The following MED16 variants were observed in gnomAD, a reference collection of about 807,000 sequenced individuals.
The protein encoded by MED16 is mediator of RNA polymerase II transcription subunit 16.
MED16 carries 81 observed loss-of-function variants against 84.4 expected under a neutral mutation model. The observed-to-expected ratio is 0.96, with a 90% CI of 0.80 to 1.15. MED16 has a LOEUF of 1.15. MED16 is among the 50% of genes most tolerant of loss of function. The pLI is 0.00. For synonymous variants in MED16, 897 were observed against 552.2 expected (o/e 1.62, Z -8.76); for missense variants, 1,585 against 1,245.9 (o/e 1.27, Z -4.10).
intron 6 of MED16, among the ~76,000 whole-genome samples, chr19:883,644 T>C (rs1054383564): frequency 5.3e-5 from 8 of 152,022 alleles, no homozygotes; most frequent in Non-Finnish European, 1.2e-4. Context: ...TGAGGACGGC[T>C]GCAGGAGACG....
rs190408350 is a variant in MED16 at position 888,832 on chromosome 19, G to T, written c.447+806C>A. Reference sequence around the variant, plus strand: ...GGACTCACGAAGGGACGAGAGAAAAGATCTTGTCCACTGCATCCCTCCAGG... The same window carrying T: ...GGACTCACGAAGGGACGAGAGAAAATATCTTGTCCACTGCATCCCTCCAGG... On this transcript the variant is annotated intron_variant, in intron 4 of 15. Transcript: ENST00000325464. 2.0e-5 allele frequency among the ~76,000 whole-genome samples: 3 copies of T among 152,292 alleles called. No individual in the cohort carries two copies. The East Asian group carries it at 5.8e-4, about 29-fold the overall frequency.
rs758345250 is a variant in MED16 at position 877,061 on chromosome 19, G to C, written c.1473C>G (p.Ile491Met). ...CCATACTGGGCTGCACGTGCAGCAG[G>C]ATGTCCCACCAGTCGTAGCCGGTCA... ...CMVTGYDWWDILLHVQPSMVQ... is the reference protein window; with the variant it reads ...CMVTGYDWWDMLLHVQPSMVQ... The change falls in exon 9 of 16, where the codon ATC becomes ATG. Residue 491 changes from isoleucine (I) to methionine (M), a missense_variant. Physicochemically the swap from Ile to Met is conservative, Grantham distance 10. Transcript: ENST00000325464. 6.2e-7 allele frequency: 1 copy of C among 1,612,496 alleles called. No homozygotes were observed. The highest frequency in any genetic ancestry group is 2.2e-5 in the East Asian group (1 of 44,890).
At position 867,966 on chromosome 19, in the gene MED16, G is replaced by A. The variant is rs920440536; in HGVS notation, c.*135C>T. Reference sequence around the variant, plus strand: ...ACCGACGGCAGGGACGCGGGCCTGGGCGCAGAGGGCGTTTATTGGACCTGT... The same window carrying A: ...ACCGACGGCAGGGACGCGGGCCTGGACGCAGAGGGCGTTTATTGGACCTGT... On this transcript the variant is annotated 3_prime_UTR_variant, in exon 16 of 16. Coordinates refer to ENST00000325464, the MANE Select transcript of MED16 (RefSeq NM_005481.3). The A allele has an allele frequency of 1.6e-5, 19 of 1,220,564 alleles. No individual in the cohort carries two copies. Among genetic ancestry groups the A allele is most frequent in the South Asian group, 1.3e-4 (8 of 63,864 alleles). The allele number at this position is 1,220,564 out of a possible 1,614,324, so 75.6% of individuals were successfully genotyped here. A position where few individuals can be genotyped will look rare whatever the true frequency, so the allele number is the denominator to read the frequency against.
At chr19:881,775 G>T in intron 6 of MED16, 61 bp from the exon 7 acceptor site, 4 of 1,564,262 alleles carry the variant, frequency 2.6e-6, no homozygotes, top group Non-Finnish European at 3.5e-6. Flanking sequence ...TGAGACAGCC[G>T]CAGGAGTCCA....
At position 876,785 on chromosome 19, in the gene MED16, G is replaced by A. The variant is rs1349148675; in HGVS notation, c.1560+189C>T. 4.6e-5 allele frequency among the ~76,000 whole-genome samples: 7 copies of A among 152,084 alleles called. No homozygotes were observed. In the East Asian group the frequency reaches 5.8e-4, roughly 13 times the overall value. ...GCAGAGACCTCCTCCACCCTCCAAG[G>A]GAACTCCCTCCCTGCTGCTGGCACT... On this transcript the variant is annotated intron_variant, in intron 9 of 15. Coordinates refer to ENST00000325464, the MANE Select transcript of MED16 (RefSeq NM_005481.3).
intron 7 of MED16, among the ~76,000 whole-genome samples, chr19:881,172 G>A (rs986635749): frequency 5.9e-5 from 9 of 152,202 alleles, no homozygotes; most frequent in African/African-American, 9.7e-5. Flanking sequence ...GCACTGAAGA[G>A]TGTGCAGACT....
intron 5 of MED16, 58 bp from the exon 6 acceptor site, chr19:885,066 A>G: frequency 2.5e-5 from 35 of 1,382,352 alleles, no homozygotes; most frequent in Non-Finnish European, 3.4e-5. Context: ...CCACGCCACC[A>G]CCGGAGCCTG....
chr19:886,643 G>A (rs2036532997), intron 4 of MED16, among the ~76,000 whole-genome samples: 2 of 152,262 alleles, frequency 1.3e-5, no homozygotes, highest in African/African-American at 2.4e-5. Context: ...GCACTGTGCA[G>A]ACCTGAGCTA....
chr19:879,463 C>A (rs113084303), intron 8 of MED16, among the ~76,000 whole-genome samples: 1 of 116,406 alleles, frequency 8.6e-6, no homozygotes, highest in African/African-American at 3.5e-5. Context: ...TCGCCTTCCC[C>A]TGGTTGTCAA....
intron 9 of MED16, 36 bp from the exon 10 acceptor site, chr19:875,490 G>T (rs781136216): frequency 1.3e-6 from 2 of 1,529,966 alleles, no homozygotes; most frequent in Non-Finnish European, 1.8e-6. Flanking sequence ...CAAGGGGCCG[G>T]AGCAGAGGCG....
chr19:882,216 A>C (rs2036435130), intron 6 of MED16, among the ~76,000 whole-genome samples: 1 of 152,240 alleles, frequency 6.6e-6, no homozygotes, highest in Non-Finnish European at 1.5e-5. Flanking sequence ...AGCCTTAGCA[A>C]ATGTGACATG....
In MED16 at chr19:871,028, C is replaced by A. The variant is rs1399760092; in HGVS notation, c.2315+9G>T. The A allele has an allele frequency of 3.9e-6, 6 of 1,537,568 alleles. No individual in the cohort carries two copies. Among genetic ancestry groups the A allele is most frequent in the Non-Finnish European group, 5.3e-6 (6 of 1,138,570 alleles). ...CTGTGTTTGGGGACCAATGCAGGGACACACGCACCTGGCGAGGCCGTCGAG... is the reference window on the plus strand; with the variant it reads ...CTGTGTTTGGGGACCAATGCAGGGAAACACGCACCTGGCGAGGCCGTCGAG... On this transcript the variant is annotated intron_variant, in intron 13 of 15. Coordinates refer to ENST00000325464, the MANE Select transcript of MED16 (RefSeq NM_005481.3).
Position 877,149 on chromosome 19 carries a change from C to A in MED16, c.1385G>T (p.Gly462Val). Residue 462 changes from glycine (G) to valine (V), a missense_variant, in exon 9 of 16, where the codon GGC becomes GTC. Physicochemically the swap from Gly to Val is moderately radical, Grantham distance 109. Transcript: ENST00000325464. ...LSVLRLSPSM[G>V]HPLEVGLALR... The stretch of plus-strand genomic sequence containing the variant: ...CGCCAGCCCCACCTCCAGCGGGTGG[C>A]CCATGGAAGGTGAGAGGCGGAGCAC... 6.2e-7 allele frequency: 1 copy of A among 1,611,670 alleles called. No homozygotes were observed.
At chr19:871,378 C>G in intron 12 of MED16, 125 bp from the exon 13 acceptor site, 3 of 1,319,212 alleles carry the variant, frequency 2.3e-6, no homozygotes, top group African/African-American at 1.5e-5. Flanking sequence ...GTCTGCCTGG[C>G]TGGGTGACCC....
rs765037683 is a variant in MED16, at chr19:875,385, C to T, written c.1630G>A (p.Val544Met). ...CKLSPCTVTR[V>M]CDYHTKLFLI... ...AAGAGCTTGGTGTGGTAGTCGCACA[C>T]GCGGGTCACCGTGCAGGGCGACAGC... The change falls in exon 10 of 16, where the codon GTG becomes ATG. Residue 544 changes from valine (V) to methionine (M), a missense_variant. Transcript: ENST00000325464. The T allele has an allele frequency of 2.7e-5, 43 of 1,608,854 alleles. No individual in the cohort carries two copies. Among genetic ancestry groups the T allele is most frequent in the Non-Finnish European group, 3.2e-5 (38 of 1,179,746 alleles).
chr19:880,822 G>A (rs1330066871), intron 7 of MED16, among the ~76,000 whole-genome samples: 1 of 151,920 alleles, frequency 6.6e-6, no homozygotes, highest in Non-Finnish European at 1.5e-5. Context: ...TCGGGAGGCT[G>A]AGGCAGGAAG....
rs138320149 is a variant in MED16, at chr19:885,842, G to C, written c.807C>G (p.Thr269=). 1 of 1,613,756 alleles carries C rather than the reference G, an allele frequency of 6.2e-7. No individual in the cohort carries two copies. Among genetic ancestry groups the C allele is most frequent in the African/African-American group, 1.3e-5 (1 of 75,058 alleles). Residue 269 remains threonine, a synonymous_variant, in exon 5 of 16, where the codon ACC becomes ACG. Transcript: ENST00000325464. ...GAAACTTGTCCTTGCGGTTGAGGTCGGTGGTGCAGCGCATGAACAGGGAGG... is the reference window on the plus strand; with the variant it reads ...GAAACTTGTCCTTGCGGTTGAGGTCCGTGGTGCAGCGCATGAACAGGGAGG... The part of the protein sequence containing the change: ...ILPSLFMRCT[T]DLNRKDKFPA...
At position 881,173 on chromosome 19, in the gene MED16, T is replaced by C. The variant is rs563409424; in HGVS notation, c.1141+386A>G. Among the ~76,000 whole-genome samples the C allele has an allele frequency of 4.0e-4, 61 of 152,110 alleles. 1 individual carries two copies. Among genetic ancestry groups the C allele is most frequent in the African/African-American group, 1.4e-3 (56 of 41,474 alleles). On this transcript the variant is annotated intron_variant, in intron 7 of 15. Transcript: ENST00000325464. ...AGCAAATAGGGTAGGCACTGAAGAG[T>C]GTGCAGACTCACTCATGGGCACGGA...
At position 872,854 on chromosome 19, in the gene MED16, C is replaced by T. The variant is rs944793173; in HGVS notation, c.1905+595G>A. 8.3e-5 allele frequency: 55 copies of T among 666,124 alleles called. 1 individual carries two copies. Among genetic ancestry groups the T allele is most frequent in the Non-Finnish European group, 9.7e-5 (51 of 526,826 alleles). The allele number at this position is 666,124 out of a possible 1,614,324, so 41.3% of individuals were successfully genotyped here. A position where few individuals can be genotyped will look rare whatever the true frequency, so the allele number is the denominator to read the frequency against. Reference sequence around the variant, plus strand: ...GGGTGGGGCTGAGAAGGAGCAGGGCCTGGGAGGCGGGGCTTTGAGAATGGG... The same window carrying T: ...GGGTGGGGCTGAGAAGGAGCAGGGCTTGGGAGGCGGGGCTTTGAGAATGGG... On this transcript the variant is annotated intron_variant, in intron 11 of 15. Coordinates refer to ENST00000325464, the MANE Select transcript of MED16 (RefSeq NM_005481.3).
Sources: gnomAD v4.1 joint callset for allele counts (sites outside exome capture counted in the v4.1 genomes callset) on GRCh38, gnomAD v4.1.1 for gene constraint, MANE v1.5 for transcripts, NCBI Gene and HGNC (gene_info 2026-07-23, HGNC 2026-07-21) for gene names.